PLEKHG1: variants seen among roughly 807,000 people sequenced by gnomAD.
PLEKHG1 encodes the protein pleckstrin homology domain-containing family G member 1.
PLEKHG1 carries 44 observed loss-of-function variants against 100.8 expected under a neutral mutation model. That is an observed-to-expected ratio of 0.44 (90% CI 0.34 to 0.56). PLEKHG1 has a LOEUF of 0.56. Among genes scored for constraint, PLEKHG1 ranks in the 20% least tolerant of loss-of-function variants. The pLI is 0.01. For missense variants in PLEKHG1, 1,545 were observed against 1,720.9 expected, an observed-to-expected ratio of 0.90 and a Z score of 1.81; for synonymous variants, 640 against 662.5, an observed-to-expected ratio of 0.97 and a Z score of 0.52.
intron 2 of PLEKHG1, among the ~76,000 whole-genome samples, chr6:150,748,999 T>C (rs1246000121): frequency 6.6e-6 from 1 of 152,088 alleles, no homozygotes; most frequent in Admixed American, 6.5e-5. Flanking sequence ...GTGTTCCTTT[T>C]AAAATGGTAT....
chr6:150,812,125 T>C (rs712212), intron 10 of PLEKHG1, among the ~76,000 whole-genome samples: 40,867 of 151,888 alleles, frequency 0.27, 5,633 homozygotes, highest in Middle Eastern at 0.36. Context: ...GAGAGGAACC[T>C]GTGAGATGGG....
rs192426716 is a variant in PLEKHG1 at position 150,673,306 on chromosome 6, C to T, written c.-99+22520C>T. 1.2e-4 allele frequency among the ~76,000 whole-genome samples: 18 copies of T among 152,278 alleles called. 1 individual carries two copies. Among genetic ancestry groups the T allele is most frequent in the African/African-American group, 3.9e-4 (16 of 41,556 alleles). ...GCAAATGCACATCTCTCTAGTACTGCGTTACTTTCAAATATTCTGTGTAAT... is the reference window on the plus strand; with the variant it reads ...GCAAATGCACATCTCTCTAGTACTGTGTTACTTTCAAATATTCTGTGTAAT... On this transcript the variant is annotated intron_variant, in intron 3 of 3. Coordinates refer to the PLEKHG1 transcript ENST00000367326.
At chr6:150,790,138 C>T (rs781497038) in intron 4 of PLEKHG1, among the ~76,000 whole-genome samples, 3 of 152,130 alleles carry the variant, frequency 2.0e-5, no homozygotes, top group African/African-American at 2.4e-5. Flanking sequence ...CTCCTGCCTC[C>T]GCCCCCACGA....
intron 3 of PLEKHG1, among the ~76,000 whole-genome samples, chr6:150,700,089 A>C (rs1402054479): frequency 1.3e-5 from 2 of 152,168 alleles, no homozygotes; most frequent in Non-Finnish European, 2.9e-5. Context: ...GGAAGGACCC[A>C]ATATTACAGT....
chr6:150,733,162 C>T (rs549679563), intron 1 of PLEKHG1, among the ~76,000 whole-genome samples: 2 of 152,280 alleles, frequency 1.3e-5, no homozygotes, highest in South Asian at 4.1e-4. Context: ...CGTTAAGAAC[C>T]ACTTGTGGTG....
chr6:150,830,753 T>TC lies in PLEKHG1; in HGVS notation c.1646dup (p.Gln550AlafsTer4). On this transcript the variant is annotated frameshift_variant, in exon 15 of 16. Transcript: ENST00000358517. LOFTEE classifies it high-confidence loss of function. ...GCAAGCCTTGTTTCCCAGCCGACGG[T>TC]CCCCGCAGGAGAATGAGGATGATGA... 1 of 1,614,154 alleles carries TC rather than the reference T, an allele frequency of 6.2e-7. No individual in the cohort carries two copies. The highest frequency in any genetic ancestry group is 8.5e-7 in the Non-Finnish European group (1 of 1,180,022).
At chr6:150,835,774 C>G (rs1777192463) in intron 15 of PLEKHG1, among the ~76,000 whole-genome samples, 2 of 152,130 alleles carry the variant, frequency 1.3e-5, no homozygotes, top group African/African-American at 4.8e-5. Context: ...AAGCTATAGA[C>G]TCTCTTAGAA....
chr6:150,604,647 T>C (rs886936434), intron 1 of PLEKHG1, among the ~76,000 whole-genome samples: 7 of 152,230 alleles, frequency 4.6e-5, no homozygotes, highest in Non-Finnish European at 1.0e-4. Flanking sequence ...GACGGACTTA[T>C]AATCAAGATC....
intron 6 of PLEKHG1, among the ~76,000 whole-genome samples, chr6:150,802,862 A>C (rs528854771): frequency 6.6e-6 from 1 of 151,944 alleles, no homozygotes; most frequent in African/African-American, 2.4e-5. Context: ...GGGTTTCACC[A>C]TGTTGGCCAG....
At chr6:150,698,440 G>A (rs1013376805) in intron 3 of PLEKHG1, among the ~76,000 whole-genome samples, 11 of 152,214 alleles carry the variant, frequency 7.2e-5, no homozygotes, top group Middle Eastern at 3.4e-3. Flanking sequence ...TAAGGAAGTT[G>A]TTAGCATATA....
intron 1 of PLEKHG1, among the ~76,000 whole-genome samples, chr6:150,631,838 A>G (rs575961276): frequency 2.8e-4 from 43 of 152,246 alleles, no homozygotes; most frequent in African/African-American, 8.9e-4. Context: ...GGCTGCGAGC[A>G]AGTAAGGAGA....
In PLEKHG1 at chr6:150,831,924, G is replaced by C. The variant is rs778084263; in HGVS notation, c.2813G>C (p.Ser938Thr). Residue 938 changes from serine to threonine, a missense_variant, in exon 15 of 16, where the codon AGT becomes ACT. Ser to Thr is a moderately conservative substitution (Grantham distance 58, BLOSUM62 1). Coordinates refer to ENST00000358517, the Ensembl canonical transcript of PLEKHG1. The surrounding 1 kb of genome is among the most constrained non-coding windows in gnomAD (Gnocchi z 4.1). ...AGCCTTAACCGGCTTTCTCTGGCTA[G>C]TGAAATGCCCCTCATGGACAATCCC... The C allele has an allele frequency of 2.1e-5, 34 of 1,613,950 alleles. No individual in the cohort carries two copies. The highest frequency in any genetic ancestry group is 2.9e-5 in the Non-Finnish European group (34 of 1,179,926).
chr6:150,731,350 G>A (rs1162068250), intron 1 of PLEKHG1, among the ~76,000 whole-genome samples: 1 of 152,214 alleles, frequency 6.6e-6, no homozygotes, highest in African/African-American at 2.4e-5. Flanking sequence ...TGGTTATGCA[G>A]ATAAACTGCT....
chr6:150,737,463 T>C (rs980586627), intron 2 of PLEKHG1, among the ~76,000 whole-genome samples: 1 of 151,766 alleles, frequency 6.6e-6, no homozygotes, highest in African/African-American at 2.4e-5. Context: ...GGCTAATTTT[T>C]TTGTATTTTT....
chr6:150,797,031 C>T (rs1786377184), intron 5 of PLEKHG1, among the ~76,000 whole-genome samples: 1 of 152,038 alleles, frequency 6.6e-6, no homozygotes, highest in South Asian at 2.1e-4. Context: ...CACTCCGCCA[C>T]CCAGGCTGGA....
At chr6:150,612,146 A>C (rs1225287525) in intron 1 of PLEKHG1, among the ~76,000 whole-genome samples, 4 of 145,306 alleles carry the variant, frequency 2.8e-5, no homozygotes, top group Non-Finnish European at 6.0e-5. Context: ...CCAGTCAGTT[A>C]GCAATAACTG....
At position 150,831,220 on chromosome 6, in the gene PLEKHG1, G is replaced by T. The variant is rs1412870129; in HGVS notation, c.2109G>T (p.Lys703Asn). The change falls in exon 15 of 16, where the codon AAG (lysine) becomes AAT (asparagine). Residue 703 changes from lysine (K) to asparagine (N), a missense_variant. Transcript: ENST00000358517. The surrounding 1 kb of genome is among the most constrained non-coding windows in gnomAD (Gnocchi z 4.1). ...GCACCCCAGAGTTAGCCTTCACAAA[G>T]AGGCAAGCTGGCCACAGTAAGGGCT... The T allele has an allele frequency of 3.1e-6, 5 of 1,614,144 alleles. No individual in the cohort carries two copies. The highest frequency in any genetic ancestry group is 4.2e-6 in the Non-Finnish European group (5 of 1,180,024).
chr6:150,773,289 A>G (rs374881204), intron 3 of PLEKHG1, among the ~76,000 whole-genome samples: 4 of 152,042 alleles, frequency 2.6e-5, no homozygotes, highest in Non-Finnish European at 4.4e-5. Context: ...ATCCCCGCAC[A>G]TTGGGAGGCC....
intron 5 of PLEKHG1, among the ~76,000 whole-genome samples, chr6:150,799,182 A>G (rs1430328102): frequency 6.6e-6 from 1 of 152,194 alleles, no homozygotes; most frequent in Non-Finnish European, 1.5e-5. Flanking sequence ...TCATAGATAA[A>G]TATTTTATCT....
Sources: gnomAD v4.1 joint callset for allele counts (sites outside exome capture counted in the v4.1 genomes callset) on GRCh38, gnomAD v4.1.1 for gene constraint, Gnocchi (gnomAD v3.1) non-coding constraint, MANE v1.5 for transcripts, NCBI Gene and HGNC (gene_info 2026-07-23, HGNC 2026-07-21) for gene names.